Variants in LRRC69 observed in about 807,000 individuals in gnomAD.
LRRC69 encodes leucine-rich repeat-containing protein 69.
In LRRC69, 42 loss-of-function variants were observed where a neutral mutation model predicts 37.8. The observed-to-expected ratio is 1.11, with a 90% confidence interval of 0.87 to 1.44. The LOEUF is 1.44. Ranked by LOEUF, LRRC69 falls within the 40% of genes most tolerant of loss-of-function variation. The probability of loss-of-function intolerance (pLI) is 0.00; values close to 1 mark genes in which losing one functional copy is unlikely to be tolerated. For synonymous variants in LRRC69, 141 were observed against 143.1 expected (o/e 0.99, Z 0.11); for missense variants, 357 against 401.9 (o/e 0.89, Z 0.96).
intron 7 of LRRC69, among the ~76,000 whole-genome samples, chr8:91,213,870 G>A (rs1809983747): frequency 6.6e-6 from 1 of 152,264 alleles, no homozygotes; most frequent in South Asian, 2.1e-4. Context: ...TTTGTGGATA[G>A]GAGTGGCAGG....
chr8:91,121,650 C>G (rs1813623758), intron 1 of LRRC69, among the ~76,000 whole-genome samples: 1 of 152,102 alleles, frequency 6.6e-6, no homozygotes, highest in South Asian at 2.1e-4. Flanking sequence ...ACACTTAATA[C>G]TGTCTGTTAT....
intron 6 of LRRC69, among the ~76,000 whole-genome samples, chr8:91,197,672 G>C (rs570714057): frequency 2.6e-5 from 4 of 152,072 alleles, no homozygotes; most frequent in Admixed American, 2.6e-4. Flanking sequence ...TGCGCTTCCC[G>C]AGTGAGGCAA....
At chr8:91,189,138 A>G (rs2130609470) in intron 5 of LRRC69, among the ~76,000 whole-genome samples, 1 of 152,258 alleles carries the variant, frequency 6.6e-6, no homozygotes, top group East Asian at 1.9e-4. Context: ...GTATGTTAGG[A>G]TGTTATTTTT....
At chr8:91,190,411 C>A (rs1809474331) in intron 6 of LRRC69, among the ~76,000 whole-genome samples, 1 of 151,602 alleles carries the variant, frequency 6.6e-6, no homozygotes, top group South Asian at 2.1e-4. Flanking sequence ...AATACAAGCT[C>A]CCGTAGAGAA....
At chr8:91,194,448 T>G (rs988049815) in intron 6 of LRRC69, among the ~76,000 whole-genome samples, 15 of 152,158 alleles carry the variant, frequency 9.9e-5, no homozygotes, top group African/African-American at 3.6e-4. Context: ...GTACCTCTGG[T>G]AGAATTCGGC....
At chr8:91,184,663 T>C (rs568356520) in intron 5 of LRRC69, among the ~76,000 whole-genome samples, 95 of 152,330 alleles carry the variant, frequency 6.2e-4, no homozygotes, top group African/African-American at 2.0e-3. Flanking sequence ...TTATTGAATC[T>C]TTGGGTCATA....
intron 1 of LRRC69, chr8:91,118,273 G>A (rs890352771): frequency 1.3e-5 from 6 of 448,588 alleles, no homozygotes; most frequent in African/African-American, 2.1e-5. Context: ...GGGAGGCTGA[G>A]GCAGGCGGAT....
At chr8:91,218,051 ATCTCAGAGT>A (rs367569818) in intron 7 of LRRC69, among the ~76,000 whole-genome samples, 143 of 152,238 alleles carry the variant, frequency 9.4e-4, no homozygotes, top group African/African-American at 3.3e-3. Flanking sequence ...TTTCAATAGG[ATCTCAGAGT>A]TCTTTTGTGG....
At chr8:91,118,484 A>G (rs2130493216) in intron 1 of LRRC69, 1 of 298,418 alleles carries the variant, frequency 3.4e-6, no homozygotes, top group South Asian at 2.8e-5. Flanking sequence ...AGCCGAGATC[A>G]TGCCAATGCA....
chr8:91,213,384 C>G (rs1348666458), intron 7 of LRRC69, among the ~76,000 whole-genome samples: 1 of 152,074 alleles, frequency 6.6e-6, no homozygotes. Flanking sequence ...CTTGGCAAAT[C>G]CCAATGTATG....
At chr8:91,142,109 C>A (rs1274107223) in intron 5 of LRRC69, among the ~76,000 whole-genome samples, 1 of 151,946 alleles carries the variant, frequency 6.6e-6, no homozygotes, top group East Asian at 1.9e-4. Context: ...TTCTCTAGCT[C>A]CTCTTTCCCT....
intron 5 of LRRC69, among the ~76,000 whole-genome samples, chr8:91,171,448 C>T (rs760857261): frequency 1.1e-4 from 17 of 152,018 alleles, no homozygotes; most frequent in Non-Finnish European, 1.9e-4. Flanking sequence ...GATTAAAATG[C>T]GTAAGCTGAA....
At chr8:91,195,411 G>C (rs1225640136) in intron 6 of LRRC69, among the ~76,000 whole-genome samples, 1 of 151,614 alleles carries the variant, frequency 6.6e-6, no homozygotes, top group East Asian at 1.9e-4. Context: ...TTGACTTTCT[G>C]TCTTGTTGAT....
At chr8:91,194,285 C>G (rs1213391264) in intron 6 of LRRC69, among the ~76,000 whole-genome samples, 1 of 148,882 alleles carries the variant, frequency 6.7e-6, no homozygotes, top group East Asian at 2.0e-4. Context: ...CAATGTTCAT[C>G]AAGGATATTG....
At chr8:91,197,362 G>A (rs1445885874) in intron 6 of LRRC69, among the ~76,000 whole-genome samples, 1 of 152,190 alleles carries the variant, frequency 6.6e-6, no homozygotes, top group Non-Finnish European at 1.5e-5. Flanking sequence ...AGCTGTGGTG[G>A]GCTCCACCCA....
At chr8:91,170,159 A>G (rs1207891973) in intron 5 of LRRC69, among the ~76,000 whole-genome samples, 7 of 108,704 alleles carry the variant, frequency 6.4e-5, no homozygotes, top group Admixed American at 6.1e-4. Context: ...AAGTGTTCCT[A>G]TTTCTCCACA....
At chr8:91,189,388 A>C (rs2130609762) in intron 5 of LRRC69, 134 bp from the exon 6 acceptor site, 1 of 625,356 alleles carries the variant, frequency 1.6e-6, no homozygotes, top group East Asian at 2.8e-5. Context: ...TTTAGGACTT[A>C]AATCCACATT....
intron 1 of LRRC69, among the ~76,000 whole-genome samples, chr8:91,118,993 CT>C (rs1227445987): frequency 2.6e-5 from 4 of 151,902 alleles, no homozygotes; most frequent in Non-Finnish European, 5.9e-5. Flanking sequence ...ATCTTGTTGT[CT>C]TTTTTTCATA....
intron 6 of LRRC69, among the ~76,000 whole-genome samples, chr8:91,193,348 T>C (rs1809535059): frequency 7.0e-6 from 1 of 142,950 alleles, no homozygotes; most frequent in Non-Finnish European, 1.5e-5. Context: ...TTTGGTTCCA[T>C]ATGAACTTTA....
Sources: gnomAD v4.1 joint callset for allele counts (sites outside exome capture counted in the v4.1 genomes callset) on GRCh38, gnomAD v4.1.1 for gene constraint, MANE v1.5 for transcripts, NCBI Gene and HGNC (gene_info 2026-07-23, HGNC 2026-07-21) for gene names.